Variants in SDC2 observed in about 807,000 individuals in gnomAD.
The protein encoded by SDC2 is syndecan 2.
SDC2 carries 13 observed loss-of-function variants against 22.2 expected under a neutral mutation model. The observed-to-expected ratio is 0.59, with a 90% CI of 0.38 to 0.93. The LOEUF is 0.93. Among genes scored for constraint, SDC2 ranks in the 40% least tolerant of loss-of-function variants. The probability of loss-of-function intolerance (pLI) is 0.00; values close to 1 mark genes in which losing one functional copy is unlikely to be tolerated. For missense variants in SDC2, 235 were observed against 246.8 expected (o/e 0.95, Z 0.32); for synonymous variants, 94 against 92.8 (o/e 1.01, Z -0.07).
chr8:96,525,612 C>T (rs993998361), intron 1 of SDC2, among the ~76,000 whole-genome samples: 1 of 152,138 alleles, frequency 6.6e-6, no homozygotes, highest in Non-Finnish European at 1.5e-5. Flanking sequence ...CTTGTCTACC[C>T]TCCAGGCTGG....
chr8:96,565,906 A>C (rs1441029761), intron 1 of SDC2, among the ~76,000 whole-genome samples: 1 of 152,154 alleles, frequency 6.6e-6, no homozygotes, highest in Admixed American at 6.5e-5. Flanking sequence ...GTTACCCCAC[A>C]GAAGATTCAT....
intron 1 of SDC2, among the ~76,000 whole-genome samples, chr8:96,533,051 G>A (rs901292225): frequency 6.6e-6 from 1 of 152,168 alleles, no homozygotes; most frequent in South Asian, 2.1e-4. Flanking sequence ...TCCTTCTGAT[G>A]TTTAGATGTG....
chr8:96,562,764 T>G (rs558551976), intron 1 of SDC2, among the ~76,000 whole-genome samples: 1 of 152,314 alleles, frequency 6.6e-6, no homozygotes, highest in South Asian at 2.1e-4. Context: ...AAGCAGAGCT[T>G]TTGTGCTTAA....
intron 2 of SDC2, among the ~76,000 whole-genome samples, chr8:96,598,008 A>G (rs1814909337): frequency 6.6e-6 from 1 of 152,220 alleles, no homozygotes; most frequent in African/African-American, 2.4e-5. Flanking sequence ...TGGGTAATTT[A>G]TAAATTTATT....
intron 2 of SDC2, among the ~76,000 whole-genome samples, chr8:96,601,078 G>T (rs1401209073): frequency 6.6e-6 from 1 of 152,140 alleles, no homozygotes; most frequent in Non-Finnish European, 1.5e-5. Context: ...TGAGGGGGAA[G>T]CCAGGAACTC....
At chr8:96,583,017 G>A (rs1814614718) in intron 1 of SDC2, among the ~76,000 whole-genome samples, 1 of 149,970 alleles carries the variant, frequency 6.7e-6, no homozygotes, top group South Asian at 2.1e-4. Flanking sequence ...ATCAGGAGTG[G>A]CCCAAGCACT....
chr8:96,561,127 A>G (rs755565736), intron 1 of SDC2, among the ~76,000 whole-genome samples: 1 of 152,130 alleles, frequency 6.6e-6, no homozygotes, highest in Non-Finnish European at 1.5e-5. Context: ...TAATCATAAT[A>G]ATAATTAAAA....
At chr8:96,501,064 C>T (rs997647487) in intron 1 of SDC2, among the ~76,000 whole-genome samples, 1 of 151,898 alleles carries the variant, frequency 6.6e-6, no homozygotes, top group Non-Finnish European at 1.5e-5. Flanking sequence ...CTCTACTATT[C>T]AGTCTATTTT....
chr8:96,532,412 GT>G (rs35452131), intron 1 of SDC2, among the ~76,000 whole-genome samples: 301 of 47,942 alleles, frequency 6.3e-3, no homozygotes, highest in Admixed American at 0.014. Context: ...TTATTGAGGC[GT>G]TTTTTTTTTT....
At chr8:96,587,632 G>A (rs1814708527) in intron 1 of SDC2, among the ~76,000 whole-genome samples, 1 of 152,166 alleles carries the variant, frequency 6.6e-6, no homozygotes, top group African/African-American at 2.4e-5. Context: ...GGGGCATTAG[G>A]CAGAGAAGTA....
intron 1 of SDC2, among the ~76,000 whole-genome samples, chr8:96,581,542 G>T (rs888412461): frequency 6.6e-6 from 1 of 151,990 alleles, no homozygotes; most frequent in African/African-American, 2.4e-5. Context: ...TGAGACAGGA[G>T]AATCTCTTGA....
At chr8:96,579,239 G>A (rs958064304) in intron 1 of SDC2, among the ~76,000 whole-genome samples, 7 of 152,166 alleles carry the variant, frequency 4.6e-5, no homozygotes, top group Admixed American at 1.3e-4. Flanking sequence ...CTTCTAAACA[G>A]ATAACAGACT....
intron 1 of SDC2, among the ~76,000 whole-genome samples, chr8:96,572,495 C>T (rs1175736374): frequency 6.6e-6 from 1 of 152,066 alleles, no homozygotes; most frequent in East Asian, 1.9e-4. Flanking sequence ...ATTCGGTTCT[C>T]CAGGCTGGCC....
rs576241410 is a variant in SDC2, at chr8:96,503,340, G to A, written c.60+9009G>A. The stretch of plus-strand genomic sequence containing the variant: ...AATTGTTAAATAAGATTCTAATTTA[G>A]ACACTGAATATCATGTGGCCATTAA... On this transcript the variant is annotated intron_variant, in intron 1 of 4. Coordinates refer to ENST00000302190, the MANE Select transcript of SDC2 (RefSeq NM_002998.4). Among the ~76,000 whole-genome samples the A allele has an allele frequency of 6.6e-5, 10 of 152,302 alleles. 1 individual carries two copies. In the South Asian group the frequency reaches 2.1e-3, roughly 32 times the overall value.
intron 3 of SDC2, among the ~76,000 whole-genome samples, chr8:96,604,816 GCTGT>G (rs1274236167): frequency 6.6e-6 from 1 of 152,196 alleles, no homozygotes. Flanking sequence ...AATCATCCCT[GCTGT>G]CTTTTTGCGG....
At chr8:96,562,721 A>G (rs1381948889) in intron 1 of SDC2, among the ~76,000 whole-genome samples, 1 of 152,218 alleles carries the variant, frequency 6.6e-6, no homozygotes, top group African/African-American at 2.4e-5. Flanking sequence ...TCTTCATTCT[A>G]GTGAAACCTA....
chr8:96,516,879 G>A (rs1421304600), intron 1 of SDC2, among the ~76,000 whole-genome samples: 2 of 152,074 alleles, frequency 1.3e-5, no homozygotes, highest in East Asian at 1.9e-4. Context: ...GAGTAATGCC[G>A]CCATAAGCAT....
At chr8:96,568,530 C>T (rs11780773) in intron 1 of SDC2, among the ~76,000 whole-genome samples, 1 of 152,172 alleles carries the variant, frequency 6.6e-6, no homozygotes, top group African/African-American at 2.4e-5. Flanking sequence ...AAAAACTTGC[C>T]TAAGTGAAAA....
At position 96,586,262 on chromosome 8, in the gene SDC2, C is replaced by T. The variant is rs949855175; in HGVS notation, c.61-7218C>T. 6.6e-5 allele frequency: 10 copies of T among 152,252 alleles called. No homozygotes were observed. The East Asian group carries it at 1.9e-3, about 29-fold the overall frequency. The allele number at this position is 152,252 out of a possible 1,614,324, so 9.4% of individuals were successfully genotyped here. On this transcript the variant is annotated intron_variant, in intron 1 of 4. Coordinates refer to ENST00000302190, the MANE Select transcript of SDC2 (RefSeq NM_002998.4). ...TCTGTTTTTCTCAGTTGTGGGGTAA[C>T]CAGGTAGTTTCTTTAAAGGGCTTGG... is the stretch of plus-strand genomic sequence containing the variant.
Sources: gnomAD v4.1 joint callset for allele counts (sites outside exome capture counted in the v4.1 genomes callset) on GRCh38, gnomAD v4.1.1 for gene constraint, MANE v1.5 for transcripts, NCBI Gene and HGNC (gene_info 2026-07-23, HGNC 2026-07-21) for gene names.